The following NID2 variants were observed in gnomAD, a reference collection of about 807,000 sequenced individuals.
The protein encoded by NID2 is nidogen 2, also known as nidogen-2.
NID2 carries 83 observed loss-of-function variants against 145.4 expected under a neutral mutation model. The observed-to-expected ratio is 0.57, with a 90% confidence interval of 0.48 to 0.69. The LOEUF is 0.69. NID2 is among the 30% of genes least tolerant of loss of function. The pLI is 0.00. For synonymous variants in NID2, 739 were observed against 701.3 expected (o/e 1.05, Z -0.85); for missense variants, 1,807 against 1,765.7 (o/e 1.02, Z -0.42).
chr14:52,025,320 T>TA (rs1475763367), intron 12 of NID2, among the ~76,000 whole-genome samples: 12 of 152,224 alleles, frequency 7.9e-5, no homozygotes, highest in African/African-American at 2.9e-4. Context: ...CCTGGCTGGT[T>TA]AAGTGGGACA....
At chr14:52,042,462 C>G in intron 6 of NID2, 112 bp from the exon 7 acceptor site, 1 of 1,332,846 alleles carries the variant, frequency 7.5e-7, no homozygotes, top group Non-Finnish European at 1.0e-6. Flanking sequence ...TAGCAAGTCA[C>G]TTTAATGATT....
chr14:52,031,680 C>G (rs758406173), intron 9 of NID2, among the ~76,000 whole-genome samples: 3 of 152,350 alleles, frequency 2.0e-5, no homozygotes, highest in African/African-American at 7.2e-5. Flanking sequence ...TAGGCAGACA[C>G]TGGCAGTACC....
rs1890789494 is a variant in NID2, at chr14:52,006,519, A to T, written c.4004+18T>A. On this transcript the variant is annotated intron_variant, in intron 20 of 21. Coordinates refer to ENST00000216286, the MANE Select transcript of NID2 (RefSeq NM_007361.4). ...ACAGTTGGCCTTTTCAGGCTTGTCC[A>T]GAATTTGTGGGGCTCACCTCCTCCA... 4 of 1,613,038 alleles carry T rather than the reference A, an allele frequency of 2.5e-6. No homozygotes were observed. The highest frequency in any genetic ancestry group is 2.5e-6 in the Non-Finnish European group (3 of 1,179,314).
Position 52,054,193 on chromosome 14 carries a change from G to T in NID2, c.896C>A (p.Ser299Tyr), listed in dbSNP as rs745564706. The T allele has an allele frequency of 3.7e-6, 6 of 1,614,116 alleles. No individual in the cohort carries two copies. The East Asian group carries it at 1.3e-4, about 36-fold the overall frequency. Residue 299 changes from serine (S) to tyrosine (Y), a missense_variant, in exon 4 of 22, where the codon TCC becomes TAC. By Grantham distance (144) the Ser-to-Tyr change is moderately radical (BLOSUM62 -2). Coordinates refer to ENST00000216286, the MANE Select transcript of NID2 (RefSeq NM_007361.4). Reference sequence around the variant, plus strand: ...TTCCAGGGCTGTAGCATGGCTGAAGGAACGTCCCAGGGGAACAGAAGAGTG... The same window carrying T: ...TTCCAGGGCTGTAGCATGGCTGAAGTAACGTCCCAGGGGAACAGAAGAGTG... ...AAHSSVPLGR[S>Y]FSHATALESD...
chr14:52,044,872 C>G (rs1355983407), intron 5 of NID2, among the ~76,000 whole-genome samples: 1 of 152,080 alleles, frequency 6.6e-6, no homozygotes, highest in East Asian at 1.9e-4. Flanking sequence ...GATCTTCCCA[C>G]CTAGGCCTCC....
intron 2 of NID2, among the ~76,000 whole-genome samples, chr14:52,066,264 C>T (rs900154368): frequency 1.3e-5 from 2 of 151,120 alleles, no homozygotes; most frequent in African/African-American, 4.9e-5. Flanking sequence ...AGGATGGTTA[C>T]CAGAGGCTGG....
chr14:52,058,991 G>A (rs1325895284), intron 3 of NID2, among the ~76,000 whole-genome samples: 1 of 151,986 alleles, frequency 6.6e-6, no homozygotes, highest in African/African-American at 2.4e-5. Flanking sequence ...GGATGGGAAA[G>A]GAAACAAGGA....
intron 19 of NID2, 102 bp downstream of exon 19, chr14:52,007,708 A>C: frequency 9.6e-7 from 1 of 1,037,716 alleles, no homozygotes; most frequent in Non-Finnish European, 1.5e-6. Context: ...GACCAAAGAA[A>C]GGAGATCTAA....
intron 5 of NID2, among the ~76,000 whole-genome samples, chr14:52,051,956 T>C (rs1892694788): frequency 6.6e-6 from 1 of 152,188 alleles, no homozygotes; most frequent in Admixed American, 6.5e-5. Flanking sequence ...TCTCAAGCTC[T>C]CAGAGCCCAA....
chr14:52,042,743 G>A (rs1892329707), intron 6 of NID2, 39 bp downstream of exon 6: 5 of 1,605,018 alleles, frequency 3.1e-6, no homozygotes, highest in Non-Finnish European at 4.3e-6. Context: ...GTAAGCAGCA[G>A]GAATAGACAC....
intron 13 of NID2, 106 bp downstream of exon 13, chr14:52,019,953 C>A: frequency 6.9e-7 from 1 of 1,454,672 alleles, no homozygotes; most frequent in Non-Finnish European, 9.3e-7. Context: ...CTTGGAAAAT[C>A]CACCAAGGCT....
chr14:52,030,550 AAGAAAGAAAG>A (rs1891787919), intron 9 of NID2, among the ~76,000 whole-genome samples: 2 of 64,556 alleles, frequency 3.1e-5, no homozygotes, highest in Non-Finnish European at 6.8e-5. Context: ...GAAAGAAAGA[AAGAAAGAAAG>A]AAAGAAAGGA....
At chr14:52,055,377 C>T (rs2029974) in intron 3 of NID2, among the ~76,000 whole-genome samples, 99,027 of 152,082 alleles carry the variant, frequency 0.65, 33,474 homozygotes, top group Non-Finnish European at 0.77. Context: ...GATTAATTCC[C>T]TAATCCACAA....
intron 12 of NID2, 52 bp from the exon 13 acceptor site, chr14:52,020,230 C>A: frequency 6.2e-7 from 1 of 1,607,730 alleles, no homozygotes; most frequent in South Asian, 1.1e-5. Flanking sequence ...TGACTTCACT[C>A]ACACAATCTG....
intron 16 of NID2, among the ~76,000 whole-genome samples, chr14:52,013,515 A>G (rs577533234): frequency 4.3e-4 from 65 of 152,340 alleles, no homozygotes; most frequent in Middle Eastern, 3.4e-3. Context: ...ATGCCGTACT[A>G]TTCTTTCTCA....
intron 18 of NID2, chr14:52,008,202 C>G (rs976757520): frequency 1.5e-5 from 6 of 395,216 alleles, no homozygotes; most frequent in Non-Finnish European, 2.7e-5. Context: ...CTTAGGGGCT[C>G]TCTCTTGCTC....
At chr14:52,049,094 G>T (rs1892602001) in intron 5 of NID2, among the ~76,000 whole-genome samples, 1 of 152,154 alleles carries the variant, frequency 6.6e-6, no homozygotes, top group African/African-American at 2.4e-5. Context: ...AGGTTTGAAT[G>T]AACTCATTTT....
At chr14:52,013,866 A>G (rs1891117124) in intron 16 of NID2, among the ~76,000 whole-genome samples, 1 of 152,204 alleles carries the variant, frequency 6.6e-6, no homozygotes, top group South Asian at 2.1e-4. Context: ...TTCCACTTGG[A>G]GTCCCCAACA....
At chr14:52,008,828 A>G (rs1311672595) in intron 18 of NID2, 4 of 152,222 alleles carry the variant, frequency 2.6e-5, no homozygotes, top group East Asian at 1.9e-4. Context: ...CAAAAATACA[A>G]TTTGGTACTT....
Sources: gnomAD v4.1 joint callset for allele counts (sites outside exome capture counted in the v4.1 genomes callset) on GRCh38, gnomAD v4.1.1 for gene constraint, MANE v1.5 for transcripts, NCBI Gene and HGNC (gene_info 2026-07-23, HGNC 2026-07-21) for gene names.